MMS19: variants seen among roughly 807,000 people sequenced by gnomAD.
MMS19 encodes MMS19 cytosolic iron-sulfur assembly component.
A neutral mutation model predicts 129.8 loss-of-function variants in MMS19; 77 were observed. The observed-to-expected ratio is 0.59, with a 90% CI of 0.49 to 0.72. The LOEUF (loss-of-function observed/expected upper bound fraction) is 0.72. Among genes scored for constraint, MMS19 ranks in the 30% least tolerant of loss-of-function variants. The pLI is 0.00. For missense variants in MMS19, 1,168 were observed against 1,266.3 expected (o/e 0.92, Z 1.18); for synonymous variants, 491 against 502.8 (o/e 0.98, Z 0.31).
chr10:97,498,623 T>C (rs1177362957), upstream of MMS19: 1 of 459,618 alleles, frequency 2.2e-6, no homozygotes, highest in Non-Finnish European at 3.8e-6. Context: ...GGCGAATAAT[T>C]CCCAGCCCGG....
chr10:97,473,437 T>TGA (rs2035152743), intron 8 of MMS19, among the ~76,000 whole-genome samples: 1 of 151,946 alleles, frequency 6.6e-6, no homozygotes, highest in Non-Finnish European at 1.5e-5. Flanking sequence ...CACTTCTTCA[T>TGA]ACATTCTCTC....
At chr10:97,497,437 T>A (rs988661132) in intron 1 of MMS19, among the ~76,000 whole-genome samples, 19 of 152,158 alleles carry the variant, frequency 1.2e-4, no homozygotes, top group Admixed American at 1.0e-3. Flanking sequence ...AAAGTTTTTT[T>A]AAAAAAACTA....
At position 97,476,597 on chromosome 10, in the gene MMS19, A is replaced by C. The variant is rs1161205984; in HGVS notation, c.684+86T>G. ...GAGGGCGGGGATGTCTATTTTGGTG[A>C]CCTGTACCCTCAGTGCCCAGAACAG... On this transcript the variant is annotated intron_variant, in intron 8 of 30. Coordinates refer to ENST00000438925, the MANE Select transcript of MMS19 (RefSeq NM_022362.5). 6 of 1,241,644 alleles carry C rather than the reference A, an allele frequency of 4.8e-6. No homozygotes were observed. The East Asian group carries it at 1.5e-4, about 30-fold the overall frequency. The allele number at this position is 1,241,644 out of a possible 1,614,324, so 76.9% of individuals were successfully genotyped here.
chr10:97,458,609 G>T lies in MMS19; in HGVS notation c.*83C>A. On this transcript the variant is annotated 3_prime_UTR_variant, in exon 31 of 31. Coordinates refer to ENST00000438925, the MANE Select transcript of MMS19 (RefSeq NM_022362.5). ...TGGGAAAGGCAGTCAGAGACCAGTG[G>T]TTTCCCTGCTTTGGGGAAGATGGCT... 7.0e-7 allele frequency: 1 copy of T among 1,419,110 alleles called. No homozygotes were observed. Among genetic ancestry groups the T allele is most frequent in the Non-Finnish European group, 9.6e-7 (1 of 1,044,296 alleles). The allele number at this position is 1,419,110 out of a possible 1,614,324, so 87.9% of individuals were successfully genotyped here.
At position 97,460,240 on chromosome 10, in the gene MMS19, A is replaced by C. The variant is rs760911913; in HGVS notation, c.2470-8T>G. On this transcript the variant is annotated splice_region_variant and splice_polypyrimidine_tract_variant and intron_variant, in intron 25 of 30. Coordinates refer to ENST00000438925, the MANE Select transcript of MMS19 (RefSeq NM_022362.5). ...ACTCAGGAGGCCCATGAGCTGGAGAAAAAAGAGCCTTTGAGGTACATCAGG... is the reference window on the plus strand; with the variant it reads ...ACTCAGGAGGCCCATGAGCTGGAGACAAAAGAGCCTTTGAGGTACATCAGG... 1.6e-5 allele frequency: 25 copies of C among 1,608,076 alleles called. No individual in the cohort carries two copies. The highest frequency in any genetic ancestry group is 2.1e-5 in the Non-Finnish European group (25 of 1,176,484).
intron 1 of MMS19, among the ~76,000 whole-genome samples, chr10:97,486,890 T>TATATAA (rs2037980757): frequency 8.0e-6 from 1 of 124,610 alleles, no homozygotes. Flanking sequence ...TATATATATA[T>TATATAA]ATATAAAATT....
chr10:97,465,989 T>C (rs1172790301), intron 17 of MMS19, 35 bp from the exon 18 acceptor site: 15 of 1,612,686 alleles, frequency 9.3e-6, no homozygotes, highest in East Asian at 2.2e-5. Flanking sequence ...GTTTACTGTG[T>C]GATAGGAAGC....
chr10:97,477,950 C>A (rs574789652), intron 4 of MMS19, 21 bp from the exon 5 acceptor site: 22 of 1,537,992 alleles, frequency 1.4e-5, no homozygotes, highest in Admixed American at 4.2e-5. Flanking sequence ...GGAGAAGGTA[C>A]GTGAATACCG....
chr10:97,481,762 T>A (rs1056490973), intron 2 of MMS19, among the ~76,000 whole-genome samples: 4 of 152,010 alleles, frequency 2.6e-5, no homozygotes, highest in Non-Finnish European at 4.4e-5. Flanking sequence ...CCATGACAGT[T>A]GTATTGAACC....
chr10:97,470,277 G>C, intron 9 of MMS19, 74 bp from the exon 10 acceptor site: 1 of 1,029,634 alleles, frequency 9.7e-7, no homozygotes, highest in Non-Finnish European at 1.5e-6. Flanking sequence ...CCCTGTCCTT[G>C]CCATCAGTCC....
At chr10:97,470,469 G>A (rs985088799) in intron 9 of MMS19, among the ~76,000 whole-genome samples, 5 of 152,042 alleles carry the variant, frequency 3.3e-5, no homozygotes, top group African/African-American at 4.8e-5. Context: ...TTTGTGTAGC[G>A]GAGACGAGGT....
chr10:97,496,286 T>C (rs1318465174), intron 1 of MMS19, among the ~76,000 whole-genome samples: 1 of 151,972 alleles, frequency 6.6e-6, no homozygotes, highest in Non-Finnish European at 1.5e-5. Flanking sequence ...GAAGCTGAGA[T>C]GGGAGGATGG....
rs574328859 is a variant in MMS19, at chr10:97,494,450, A to G, written c.112+3823T>C. 2.6e-5 allele frequency among the ~76,000 whole-genome samples: 4 copies of G among 152,332 alleles called. No homozygotes were observed. The South Asian group carries it at 8.3e-4, about 32-fold the overall frequency. On this transcript the variant is annotated intron_variant, in intron 1 of 30. Transcript: ENST00000438925. ...GTGGGAGGATGAGAAGGAGCAGGAG[A>G]GAGAAAAATCCCAATCAGGACTAAG...
chr10:97,461,090 G>T, intron 23 of MMS19, 83 bp from the exon 24 acceptor site: 3 of 1,141,516 alleles, frequency 2.6e-6, no homozygotes, highest in Non-Finnish European at 3.7e-6. Context: ...TAAGTGCAGA[G>T]CTCCCTGAGA....
chr10:97,468,299 T>A lies in MMS19; in HGVS notation c.1171A>T (p.Ser391Cys). ...ASARACDSVT[S>C]NVLPLLLEQF... ...TCCAGCAGTAAAGGCAGTACATTGC[T>A]GGTGACAGAGTCACAGGCCCGGGCA... The change falls in exon 13 of 31, where the codon AGC (serine) becomes TGC (cysteine). Residue 391 changes from serine (S) to cysteine (C), a missense_variant. By Grantham distance (112) the Ser-to-Cys change is moderately radical. Around this residue, in one of 3 missense-constraint regions of MMS19, gnomAD observed 831 missense variants for 910.8 expected, o/e 0.91. Transcript: ENST00000438925. 6.2e-7 allele frequency: 1 copy of A among 1,611,452 alleles called. No individual in the cohort carries two copies. The highest frequency in any genetic ancestry group is 8.5e-7 in the Non-Finnish European group (1 of 1,178,372).
In MMS19 at chr10:97,458,608, G is replaced by C. The variant is rs1244839904; in HGVS notation, c.*84C>G. 1 of 1,402,072 alleles carries C rather than the reference G, an allele frequency of 7.1e-7. No homozygotes were observed. The allele number at this position is 1,402,072 out of a possible 1,614,324, so 86.9% of individuals were successfully genotyped here. ...GTGGGAAAGGCAGTCAGAGACCAGT[G>C]GTTTCCCTGCTTTGGGGAAGATGGC... On this transcript the variant is annotated 3_prime_UTR_variant, in exon 31 of 31. Coordinates refer to ENST00000438925, the MANE Select transcript of MMS19 (RefSeq NM_022362.5).
In MMS19 at chr10:97,468,898, C is replaced by T. The variant is rs183698483; in HGVS notation, c.1063+68G>A. On this transcript the variant is annotated intron_variant, in intron 12 of 30. Transcript: ENST00000438925. Reference sequence around the variant, plus strand: ...TGCAGGGATTACAGGCGTGAGCCACCGCACCCAGGCAAGGAATGTCGTTTC... The same window carrying T: ...TGCAGGGATTACAGGCGTGAGCCACTGCACCCAGGCAAGGAATGTCGTTTC... 6.1e-5 allele frequency: 92 copies of T among 1,511,872 alleles called. No homozygotes were observed. The Middle Eastern group carries it at 7.0e-4, about 12-fold the overall frequency. 93.7% of individuals were successfully genotyped at this position (1,511,872 alleles called of 1,614,324 possible).
Position 97,459,275 on chromosome 10 carries a change from C to T in MMS19, c.2912G>A (p.Arg971Gln), listed in dbSNP as rs1358291193. Reference protein sequence around the residue: ...NLSSSPSMAVRIAALQCMHAL... With the variant: ...NLSSSPSMAVQIAALQCMHAL... ...ATGCATGCACTGCAGTGCGGCGATCCGGACAGCCTGGAACACAACCACAAG... is the reference window on the plus strand; with the variant it reads ...ATGCATGCACTGCAGTGCGGCGATCTGGACAGCCTGGAACACAACCACAAG... Residue 971 changes from arginine (R) to glutamine (Q), a missense_variant, in exon 29 of 31, where the codon CGG (arginine) becomes CAG (glutamine). Physicochemically the swap from Arg to Gln is conservative, Grantham distance 43. Around this residue, in one of 3 missense-constraint regions of MMS19, gnomAD observed 831 missense variants for 910.8 expected, o/e 0.91. Coordinates refer to ENST00000438925, the MANE Select transcript of MMS19 (RefSeq NM_022362.5). The T allele has an allele frequency of 4.3e-6, 7 of 1,613,234 alleles. No individual in the cohort carries two copies. Among genetic ancestry groups the T allele is most frequent in the East Asian group, 4.5e-5 (2 of 44,850 alleles).
chr10:97,467,388 C>A lies in MMS19; in HGVS notation c.1297+117G>T. ...TGTTAAGTGTTCTCTTGTGCTACAACCTCAGAATAGGACCACTGTTCTAGA... is the reference window on the plus strand; with the variant it reads ...TGTTAAGTGTTCTCTTGTGCTACAAACTCAGAATAGGACCACTGTTCTAGA... On this transcript the variant is annotated intron_variant, in intron 14 of 30. Coordinates refer to ENST00000438925, the MANE Select transcript of MMS19 (RefSeq NM_022362.5). The A allele has an allele frequency of 1.0e-5, 7 of 695,900 alleles. No homozygotes were observed. The South Asian group carries it at 1.3e-4, about 13-fold the overall frequency. 43.1% of individuals were successfully genotyped at this position (695,900 alleles called of 1,614,324 possible). A position where few individuals can be genotyped will look rare whatever the true frequency, so the allele number is the denominator to read the frequency against.
Sources: allele counts gnomAD v4.1 joint callset (sites outside exome capture counted in the v4.1 genomes callset), GRCh38; gene constraint gnomAD v4.1.1; regional missense constraint gnomAD v4.1.1; transcripts MANE v1.5; gene names NCBI Gene and HGNC (gene_info 2026-07-23, HGNC 2026-07-21).